Variants in TMPRSS2 observed in about 807,000 individuals in gnomAD.
The protein encoded by TMPRSS2 is transmembrane serine protease 2.
Under a neutral mutation model 67.4 loss-of-function variants are expected in TMPRSS2, and 59 were observed. The ratio of observed to expected loss-of-function variants is 0.88; its 90% confidence interval spans 0.71 to 1.09. The LOEUF (loss-of-function observed/expected upper bound fraction) is 1.09. Ranked by LOEUF, TMPRSS2 falls within the 50% of genes least tolerant of loss-of-function variation. The pLI, the probability that TMPRSS2 is intolerant of heterozygous loss-of-function variation, is 0.00. For synonymous variants in TMPRSS2, 257 were observed against 257.0 expected (o/e 1.00, Z 0.00); for missense variants, 668 against 642.7 (o/e 1.04, Z -0.43).
chr21:41,479,010 T>A (rs187432464), intron 7 of TMPRSS2, among the ~76,000 whole-genome samples, 162 bp downstream of exon 7: 1 of 152,296 alleles, frequency 6.6e-6, no homozygotes, highest in African/African-American at 2.4e-5. Flanking sequence ...CAAGGGCTGC[T>A]TAGAGTAACC....
rs762261758 is a variant in TMPRSS2, at chr21:41,489,479, T to A, written c.325+28A>T. 1.9e-6 allele frequency: 3 copies of A among 1,603,574 alleles called. No individual in the cohort carries two copies. In the South Asian group the frequency reaches 3.3e-5, roughly 18 times the overall value. On this transcript the variant is annotated intron_variant, in intron 4 of 13. Coordinates refer to ENST00000332149, the MANE Select transcript of TMPRSS2 (RefSeq NM_005656.4). ...GAGCACTGGGGACTGCAGGAGCACA[T>A]GGTGGGATCGAGGCTCCCTGCACTT...
At chr21:41,479,800 A>G (rs1368879178) in intron 6 of TMPRSS2, among the ~76,000 whole-genome samples, 2 of 152,146 alleles carry the variant, frequency 1.3e-5, no homozygotes, top group Non-Finnish European at 2.9e-5. Context: ...CATGGAAAAC[A>G]AAGTGGCAGT....
chr21:41,468,988 A>G (rs1404731830), intron 11 of TMPRSS2, among the ~76,000 whole-genome samples: 1 of 152,062 alleles, frequency 6.6e-6, no homozygotes, highest in Non-Finnish European at 1.5e-5. Context: ...CCTGCACATT[A>G]GAGCTTCTCA....
At position 41,471,855 on chromosome 21, in the gene TMPRSS2, C is replaced by G. The variant is rs762273228; in HGVS notation, c.1026G>C (p.Lys342Asn). The G allele has an allele frequency of 2.5e-6, 4 of 1,613,212 alleles. No individual in the cohort carries two copies. The South Asian group carries it at 3.3e-5, about 13-fold the overall frequency. Residue 342 changes from lysine to asparagine, a missense_variant, in exon 10 of 14, where the codon AAG (lysine) becomes AAC (asparagine). By Grantham distance (94) the Lys-to-Asn change is moderately conservative (BLOSUM62 0). Coordinates refer to ENST00000332149, the MANE Select transcript of TMPRSS2 (RefSeq NM_005656.4). The part of the protein sequence containing the change: ...ISHPNYDSKT[K>N]NNDIALMKLQ... ...GCTTCATCAGCGCAATGTCATTGTT[C>G]TTGGTCTTGGAGTCATAATTTGGAT... is the stretch of plus-strand genomic sequence containing the variant.
In TMPRSS2 at chr21:41,465,697, G is replaced by A; in HGVS notation, c.*445C>T. On this transcript the variant is annotated 3_prime_UTR_variant, in exon 14 of 14. Coordinates refer to ENST00000332149, the MANE Select transcript of TMPRSS2 (RefSeq NM_005656.4). ...ATCCCCTTGTGGAGAGGTAGGCTGG[G>A]GACACTACCAAGTGGCCCCAGAGGG... is the stretch of plus-strand genomic sequence containing the variant. The A allele has an allele frequency of 3.9e-6, 1 of 254,674 alleles. No homozygotes were observed. The highest frequency in any genetic ancestry group is 5.3e-5 in the Admixed American group (1 of 18,940). 15.8% of individuals were successfully genotyped at this position (254,674 alleles called of 1,614,324 possible). A position where few individuals can be genotyped will look rare whatever the true frequency, so the allele number is the denominator to read the frequency against.
chr21:41,502,171 G>A (rs968067353), intron 1 of TMPRSS2, among the ~76,000 whole-genome samples: 5 of 152,216 alleles, frequency 3.3e-5, no homozygotes, highest in Admixed American at 2.0e-4. Context: ...CTGTGGCATC[G>A]TATCCGCATC....
intron 8 of TMPRSS2, among the ~76,000 whole-genome samples, chr21:41,473,846 A>G (rs1012980807): frequency 4.1e-5 from 6 of 147,808 alleles, no homozygotes; most frequent in Non-Finnish European, 9.0e-5. Flanking sequence ...GAAAAGGAAG[A>G]TGGGAGGGGC....
rs2091071834 is a variant in TMPRSS2, at chr21:41,464,840, G to A, written c.*1302C>T. 1 of 233,274 alleles carries A rather than the reference G, an allele frequency of 4.3e-6. No individual in the cohort carries two copies. Among genetic ancestry groups the A allele is most frequent in the East Asian group, 6.0e-5 (1 of 16,586 alleles). The allele number at this position is 233,274 out of a possible 1,614,324, so 14.5% of individuals were successfully genotyped here. A position where few individuals can be genotyped will look rare whatever the true frequency, so the allele number is the denominator to read the frequency against. On this transcript the variant is annotated 3_prime_UTR_variant, in exon 14 of 14. Coordinates refer to ENST00000332149, the MANE Select transcript of TMPRSS2 (RefSeq NM_005656.4). ...GGGATTGCATGACTTTCCATTTCAA[G>A]GTTAAGTCCTAGCTGTAGAATCATT...
At chr21:41,466,853 T>C (rs1263748465) in intron 13 of TMPRSS2, among the ~76,000 whole-genome samples, 1 of 152,126 alleles carries the variant, frequency 6.6e-6, no homozygotes, top group Non-Finnish European at 1.5e-5. Flanking sequence ...GTCCTGGAGA[T>C]GAGAAGATCT....
chr21:41,479,824 C>T (rs1333507533), intron 6 of TMPRSS2, among the ~76,000 whole-genome samples: 1 of 152,142 alleles, frequency 6.6e-6, no homozygotes, highest in African/African-American at 2.4e-5. Flanking sequence ...ATCCTACCAC[C>T]CTCTCCCCCG....
At chr21:41,482,698 G>A (rs192709500) in intron 5 of TMPRSS2, among the ~76,000 whole-genome samples, 105 of 152,282 alleles carry the variant, frequency 6.9e-4, no homozygotes, top group African/African-American at 2.4e-3. Context: ...TCGGTCACAG[G>A]TTACATGAAT....
rs746347660 is a variant in TMPRSS2 at position 41,485,823 on chromosome 21, G to A, written c.445+2571C>T. On this transcript the variant is annotated intron_variant, in intron 5 of 13. Transcript: ENST00000332149. ...TCAAGTGCAAACCTTTTTCTGGGAA[G>A]CAAGACTGTGCTGGAGGAAAGGTAT... Among the ~76,000 whole-genome samples, 43 of 152,316 alleles carry A rather than the reference G, an allele frequency of 2.8e-4. No individual in the cohort carries two copies. In the Middle Eastern group the frequency reaches 0.014, roughly 48 times the overall value.
At chr21:41,483,524 C>A (rs1477517222) in intron 5 of TMPRSS2, among the ~76,000 whole-genome samples, 1 of 150,794 alleles carries the variant, frequency 6.6e-6, no homozygotes, top group Non-Finnish European at 1.5e-5. Context: ...TCAGGCGATC[C>A]CCACCCCCTC....
chr21:41,496,218 T>A (rs1765747829), intron 2 of TMPRSS2, among the ~76,000 whole-genome samples: 1 of 152,198 alleles, frequency 6.6e-6, no homozygotes, highest in Non-Finnish European at 1.5e-5. Flanking sequence ...TATGAATTAA[T>A]ACAAACATTT....
rs114363287 is a variant in TMPRSS2, at chr21:41,494,374, C to G, written c.220G>C (p.Gly74Arg). 112 of 1,610,296 alleles carry G rather than the reference C, an allele frequency of 7.0e-5. No homozygotes were observed. The African/African-American group carries it at 1.4e-3, about 20-fold the overall frequency. ...ATCCTACTTGAGGTGCACACTGTCCCGGATGGGGATTTGGGCTGCGTGCAG... is the reference window on the plus strand; with the variant it reads ...ATCCTACTTGAGGTGCACACTGTCCGGGATGGGGATTTGGGCTGCGTGCAG... ...VVCTQPKSPS[G>R]TVCTSKTKKA... The change falls in exon 3 of 14, where the codon GGG becomes CGG. Residue 74 changes from glycine (G) to arginine (R), a missense_variant. By Grantham distance (125) the Gly-to-Arg change is moderately radical (BLOSUM62 -2). Coordinates refer to ENST00000332149, the MANE Select transcript of TMPRSS2 (RefSeq NM_005656.4).
chr21:41,504,650 C>T (rs1055414436), intron 1 of TMPRSS2, among the ~76,000 whole-genome samples: 6 of 152,172 alleles, frequency 3.9e-5, no homozygotes, highest in African/African-American at 1.4e-4. Flanking sequence ...CACAGATCCC[C>T]CTTTTGCTCC....
At chr21:41,490,842 G>A (rs1008779118) in intron 3 of TMPRSS2, among the ~76,000 whole-genome samples, 2 of 152,204 alleles carry the variant, frequency 1.3e-5, no homozygotes, top group African/African-American at 4.8e-5. Context: ...CTGAAGAAAG[G>A]TGCAGAGGTG....
intron 1 of TMPRSS2, among the ~76,000 whole-genome samples, chr21:41,507,703 C>T (rs2091468110): frequency 6.6e-6 from 1 of 152,256 alleles, no homozygotes; most frequent in African/African-American, 2.4e-5. Flanking sequence ...CGCACCGGTG[C>T]TCCCAGGCGG....
rs779659161 is a variant in TMPRSS2 at position 41,488,415 on chromosome 21, C to A, written c.424G>T (p.Gly142Trp). 1.2e-6 allele frequency: 2 copies of A among 1,613,114 alleles called. No individual in the cohort carries two copies. Among genetic ancestry groups the A allele is most frequent in the Non-Finnish European group, 8.5e-7 (1 of 1,179,580 alleles). Residue 142 changes from glycine to tryptophan, a missense_variant, in exon 5 of 14, where the codon GGG becomes TGG. By Grantham distance (184) the Gly-to-Trp change is radical. Coordinates refer to ENST00000332149, the MANE Select transcript of TMPRSS2 (RefSeq NM_005656.4). ...WCDGVSHCPG[G>W]EDENRCVRLY... ...TCACCACACCGATTCTCGTCCTCCC[C>A]GCCGGGGCAGTGTGACACGCCATCA... is the stretch of plus-strand genomic sequence containing the variant.
Sources: gnomAD v4.1 joint callset for allele counts (sites outside exome capture counted in the v4.1 genomes callset) on GRCh38, gnomAD v4.1.1 for gene constraint, MANE v1.5 for transcripts, NCBI Gene and HGNC (gene_info 2026-07-23, HGNC 2026-07-21) for gene names.